Variants in RPS7 observed in about 807,000 individuals in gnomAD.
RPS7 encodes the protein ribosomal protein S7.
Under a neutral mutation model 22.1 loss-of-function variants are expected in RPS7, and 1 was observed. The observed-to-expected ratio is 0.05, with a 90% CI of 0.02 to 0.21. The LOEUF is 0.21. Ranked by LOEUF, RPS7 falls within the 10% of genes least tolerant of loss-of-function variation. The pLI is 1.00. For missense variants in RPS7, 137 were observed against 246.4 expected, an observed-to-expected ratio of 0.56 and a Z score of 2.97; for synonymous variants, 80 against 92.0, an observed-to-expected ratio of 0.87 and a Z score of 0.74.
chr2:3,575,717 G>A (rs752779504), intron 2 of RPS7, 33 bp downstream of exon 2: 1 of 1,600,190 alleles, frequency 6.2e-7, no homozygotes, highest in Non-Finnish European at 8.6e-7. Context: ...TGGGGTGGGG[G>A]GAGGCGCCCC....
chr2:3,577,671 C>CT, intron 4 of RPS7, 39 bp from the exon 5 acceptor site: 2 of 1,473,402 alleles, frequency 1.4e-6, no homozygotes, highest in Non-Finnish European at 1.9e-6. Context: ...AATTTAAAGT[C>CT]TTTTTTCATT....
At position 3,576,464 on chromosome 2, in the gene RPS7, T is replaced by A. The variant is rs202139868; in HGVS notation, c.148-23T>A. ...TTACTTTCTGAAGCAGTTAACACAGTGGATTTTTGTTTTTTTCTTTAGGAA... is the reference window on the plus strand; with the variant it reads ...TTACTTTCTGAAGCAGTTAACACAGAGGATTTTTGTTTTTTTCTTTAGGAA... On this transcript the variant is annotated intron_variant, in intron 3 of 6. Coordinates refer to ENST00000645674, the MANE Select transcript of RPS7 (RefSeq NM_001011.4). The A allele has an allele frequency of 7.4e-5, 119 of 1,610,540 alleles. 1 individual carries two copies. Among genetic ancestry groups the A allele is most frequent in the Middle Eastern group, 1.7e-4 (1 of 5,952 alleles).
intron 6 of RPS7, 179 bp downstream of exon 6, chr2:3,580,439 C>G (rs952663662): frequency 9.9e-6 from 7 of 708,420 alleles, no homozygotes; most frequent in Non-Finnish European, 1.6e-5. Flanking sequence ...GGAGATGTTT[C>G]AAGAATTGAA....
intron 3 of RPS7, 34 bp downstream of exon 3, chr2:3,575,922 T>G: frequency 6.6e-7 from 1 of 1,505,942 alleles, no homozygotes; most frequent in Non-Finnish European, 9.2e-7. Context: ...GGAGGGAGGT[T>G]GCGGCGCGTC....
At chr2:3,576,821 G>T (rs955829215) in intron 4 of RPS7, 191 bp downstream of exon 4, 1 of 740,094 alleles carries the variant, frequency 1.4e-6, no homozygotes, top group Non-Finnish European at 2.5e-6. Flanking sequence ...GAGGCGGGTG[G>T]ATCACTGTAG....
At chr2:3,576,724 A>G in intron 4 of RPS7, 94 bp downstream of exon 4, 4 of 1,406,978 alleles carry the variant, frequency 2.8e-6, no homozygotes, top group Non-Finnish European at 3.0e-6. Context: ...TCATGAAAAC[A>G]ATCCTTTTAT....
At chr2:3,577,467 T>C (rs1661306516) in intron 4 of RPS7, 1 of 552,240 alleles carries the variant, frequency 1.8e-6, no homozygotes. Context: ...AAGGCGTATC[T>C]GGGAGATTTT....
intron 5 of RPS7, 137 bp from the exon 6 acceptor site, chr2:3,579,973 C>T: frequency 1.2e-6 from 1 of 827,966 alleles, no homozygotes; most frequent in Non-Finnish European, 2.1e-6. Flanking sequence ...ATATAACAAG[C>T]TTATTTGAAA....
intron 5 of RPS7, 65 bp from the exon 6 acceptor site, chr2:3,580,045 G>A: frequency 4.8e-6 from 7 of 1,445,840 alleles, no homozygotes; most frequent in Admixed American, 1.7e-5. Context: ...TTAAAGAGGT[G>A]CCCTCTGGAG....
rs1322963501 is a variant in RPS7, at chr2:3,575,903, C to T, written c.147+15C>T. 1.3e-6 allele frequency: 2 copies of T among 1,591,490 alleles called. No individual in the cohort carries two copies. Among genetic ancestry groups the T allele is most frequent in the African/African-American group, 1.3e-5 (1 of 74,344 alleles). ...CGGCAGCTAAGGTAAGCTGGCGCTC[C>T]CTCGGCTGGGAGGGAGGTTGCGGCG... On this transcript the variant is annotated intron_variant, in intron 3 of 6. Coordinates refer to ENST00000645674, the MANE Select transcript of RPS7 (RefSeq NM_001011.4).
At chr2:3,580,037 A>G in intron 5 of RPS7, 73 bp from the exon 6 acceptor site, 2 of 1,380,882 alleles carry the variant, frequency 1.4e-6, no homozygotes, top group Non-Finnish European at 2.1e-6. Flanking sequence ...ATTTTGACTT[A>G]AAGAGGTGCC....
chr2:3,576,633 A>T lies in RPS7; in HGVS notation c.291+3A>T. ...AGCATGTCGTCTTTATCGCTCAGGT[A>T]TCTGTTCTACTGTTGCAGCACGTTT... On this transcript the variant is annotated splice_donor_region_variant and intron_variant, in intron 4 of 6. Transcript: ENST00000645674. 1 of 1,614,158 alleles carries T rather than the reference A, an allele frequency of 6.2e-7. No homozygotes were observed. The highest frequency in any genetic ancestry group is 8.5e-7 in the Non-Finnish European group (1 of 1,180,028).
At chr2:3,577,674 T>G in intron 4 of RPS7, 36 bp from the exon 5 acceptor site, 2 of 1,502,992 alleles carry the variant, frequency 1.3e-6, no homozygotes, top group Non-Finnish European at 9.3e-7. Context: ...TTAAAGTCTT[T>G]TTTCATTTTG....
At chr2:3,577,290 C>T in intron 4 of RPS7, 1 of 186,886 alleles carries the variant, frequency 5.4e-6, no homozygotes, top group Non-Finnish European at 1.1e-5. Context: ...GAGCCGAGAT[C>T]CCGCCACTGA....
rs2147819964 is a variant in RPS7 at position 3,576,616 on chromosome 2, G to A, written c.277G>A (p.Val93Ile). Residue 93 changes from valine (V) to isoleucine (I), a missense_variant, in exon 4 of 7, where the codon GTC becomes ATC. Val to Ile is a conservative substitution (Grantham distance 29, BLOSUM62 3). Coordinates refer to ENST00000645674, the MANE Select transcript of RPS7 (RefSeq NM_001011.4). ...LEKKFSGKHV[V>I]FIAQRRILPK... is the part of the protein sequence containing the mutation. ...GAAAAAGTTCAGTGGGAAGCATGTC[G>A]TCTTTATCGCTCAGGTATCTGTTCT... 1 of 1,614,144 alleles carries A rather than the reference G, an allele frequency of 6.2e-7. No homozygotes were observed. Among genetic ancestry groups the A allele is most frequent in the Non-Finnish European group, 8.5e-7 (1 of 1,180,028 alleles).
chr2:3,579,881 T>C (rs556446839), intron 5 of RPS7: 1 of 593,768 alleles, frequency 1.7e-6, no homozygotes. Context: ...GAGTAACATT[T>C]AAAATTGACT....
intron 2 of RPS7, 23 bp from the exon 3 acceptor site, chr2:3,575,794 T>G: frequency 6.2e-7 from 1 of 1,609,978 alleles, no homozygotes; most frequent in East Asian, 2.2e-5. Flanking sequence ...TCAGGGTCGG[T>G]CCTGCTGTTC....
intron 5 of RPS7, 29 bp downstream of exon 5, chr2:3,577,803 G>T (rs113127192): frequency 1.5e-6 from 2 of 1,376,418 alleles, no homozygotes; most frequent in South Asian, 2.3e-5. Context: ...TCAGAAATGT[G>T]TGTACCCCTC....
In RPS7 at chr2:3,580,736, C is replaced by T. The variant is rs535285909; in HGVS notation, c.508-69C>T. On this transcript the variant is annotated intron_variant, in intron 6 of 6. Coordinates refer to ENST00000645674, the MANE Select transcript of RPS7 (RefSeq NM_001011.4). The stretch of plus-strand genomic sequence containing the variant: ...AAAAACAATACAGGGCACAATTTCA[C>T]GAAACTATTAGGTTTTAAGCTGAGT... 3.8e-5 allele frequency: 37 copies of T among 986,474 alleles called. 1 individual carries two copies. In the South Asian group the frequency reaches 4.0e-4, roughly 11 times the overall value. The allele number at this position is 986,474 out of a possible 1,614,324, so 61.1% of individuals were successfully genotyped here. A position where few individuals can be genotyped will look rare whatever the true frequency, so the allele number is the denominator to read the frequency against.
Sources: gnomAD v4.1 joint callset for allele counts on GRCh38, gnomAD v4.1.1 for gene constraint, MANE v1.5 for transcripts, NCBI Gene and HGNC (gene_info 2026-07-23, HGNC 2026-07-21) for gene names.